Variants in RBFOX1 observed in about 807,000 individuals in gnomAD.
The protein encoded by RBFOX1 is RNA binding protein fox-1 homolog 1.
Under a neutral mutation model 57.7 loss-of-function variants are expected in RBFOX1, and 8 were observed. That is an observed-to-expected ratio of 0.14 (90% CI 0.08 to 0.25). The LOEUF is 0.25. RBFOX1 is among the 10% of genes least tolerant of loss of function. The pLI is 1.00. For synonymous variants in RBFOX1, 326 were observed against 222.4 expected (o/e 1.47, Z -4.15); for missense variants, 611 against 548.5 (o/e 1.11, Z -1.14).
intron 3 of RBFOX1, among the ~76,000 whole-genome samples, chr16:5,714,356 T>A (rs1596913340): frequency 1.3e-5 from 2 of 152,134 alleles, no homozygotes; most frequent in Non-Finnish European, 2.9e-5. Flanking sequence ...ACTGCTCCCA[T>A]CATGATGAGA....
chr16:6,385,137 A>G (rs576761037), intron 2 of RBFOX1, among the ~76,000 whole-genome samples: 2 of 152,318 alleles, frequency 1.3e-5, no homozygotes, highest in Middle Eastern at 3.4e-3. Flanking sequence ...CAGCCTCAGC[A>G]TGGTGTCATC....
intron 3 of RBFOX1, among the ~76,000 whole-genome samples, chr16:6,860,120 G>C (rs2058735197): frequency 6.6e-6 from 1 of 152,126 alleles, no homozygotes; most frequent in Non-Finnish European, 1.5e-5. Flanking sequence ...GAATAGCTGT[G>C]CGCTAGCTGT....
At chr16:6,078,738 T>G (rs1375121497) in intron 1 of RBFOX1, among the ~76,000 whole-genome samples, 1 of 152,192 alleles carries the variant, frequency 6.6e-6, no homozygotes, top group Non-Finnish European at 1.5e-5. Context: ...CTATCAATGT[T>G]GTTATTTGAT....
chr16:7,106,401 T>A (rs1469171725), intron 4 of RBFOX1, among the ~76,000 whole-genome samples: 1 of 152,194 alleles, frequency 6.6e-6, no homozygotes, highest in East Asian at 1.9e-4. Context: ...TACAGCTCTT[T>A]ATTCTTCATT....
At chr16:7,486,216 G>A (rs1254268228) in intron 4 of RBFOX1, among the ~76,000 whole-genome samples, 12 of 138,636 alleles carry the variant, frequency 8.7e-5, no homozygotes, top group African/African-American at 2.7e-4. Context: ...TCTGACTCCC[G>A]GGTTCAAGTG....
intron 4 of RBFOX1, among the ~76,000 whole-genome samples, chr16:7,374,648 A>T (rs533571638): frequency 1.1e-4 from 17 of 152,208 alleles, no homozygotes; most frequent in Non-Finnish European, 2.9e-5. Flanking sequence ...CAAAAAAATT[A>T]AAAATAAAAA....
At chr16:5,454,856 TTC>T (rs1256611876) in intron 1 of RBFOX1, among the ~76,000 whole-genome samples, 2 of 14,524 alleles carry the variant, frequency 1.4e-4, no homozygotes, top group Non-Finnish European at 3.4e-4. Context: ...TTTCTTTCTT[TTC>T]TTTCTTTCTT....
intron 4 of RBFOX1, among the ~76,000 whole-genome samples, chr16:7,163,788 C>G (rs1017812159): frequency 1.3e-5 from 2 of 152,090 alleles, no homozygotes; most frequent in African/African-American, 4.8e-5. Flanking sequence ...TTTCAAGTAG[C>G]TGGGACTGTA....
At chr16:6,123,417 C>G (rs980219012) in intron 1 of RBFOX1, among the ~76,000 whole-genome samples, 2 of 152,120 alleles carry the variant, frequency 1.3e-5, no homozygotes, top group African/African-American at 2.4e-5. Flanking sequence ...GGGACAAATA[C>G]TATATGGTTC....
chr16:6,500,659 A>C (rs956644400), intron 2 of RBFOX1, among the ~76,000 whole-genome samples: 4 of 152,160 alleles, frequency 2.6e-5, no homozygotes, highest in African/African-American at 9.7e-5. Context: ...ACAGAGGCTT[A>C]AGAATGGCAA....
chr16:7,480,070 G>C (rs1157625740), intron 4 of RBFOX1, among the ~76,000 whole-genome samples: 1 of 152,158 alleles, frequency 6.6e-6, no homozygotes, highest in South Asian at 2.1e-4. Context: ...CTTCTGAATG[G>C]TCTATGTGAG....
rs148754398 is a variant in RBFOX1, at chr16:7,480,951, A to G, written c.28-37196A>G. Among the ~76,000 whole-genome samples, 8 of 152,210 alleles carry G rather than the reference A, an allele frequency of 5.3e-5. 1 individual carries two copies. The East Asian group carries it at 1.2e-3, about 22-fold the overall frequency. On this transcript the variant is annotated intron_variant, in intron 4 of 15. Coordinates refer to ENST00000550418, the MANE Select transcript of RBFOX1 (RefSeq NM_018723.4). ...GGGTCTCTGTAGTGCGAATTACTCA[A>G]TGCTACTGTCTTTTCCACAGCTTAT...
At chr16:5,979,207 C>T (rs1424094095) in intron 4 of RBFOX1, among the ~76,000 whole-genome samples, 1 of 152,162 alleles carries the variant, frequency 6.6e-6, no homozygotes, top group African/African-American at 2.4e-5. Flanking sequence ...CTGGTTCTTG[C>T]AGTAAAAGTA....
At chr16:6,245,652 C>G (rs1239087824) in intron 1 of RBFOX1, among the ~76,000 whole-genome samples, 1 of 152,144 alleles carries the variant, frequency 6.6e-6, no homozygotes, top group African/African-American at 2.4e-5. Context: ...TGTATGCACT[C>G]TTGATGATTC....
At chr16:5,386,001 C>T (rs1302415972) in intron 1 of RBFOX1, among the ~76,000 whole-genome samples, 1 of 152,084 alleles carries the variant, frequency 6.6e-6, no homozygotes, top group Non-Finnish European at 1.5e-5. Flanking sequence ...GAAATGAATG[C>T]CTCTTTTAAG....
At position 5,815,156 on chromosome 16, in the gene RBFOX1, AT is replaced by A. The variant is rs71142650; in HGVS notation, c.319-52127del. The stretch of plus-strand genomic sequence containing the variant: ...CACCAGGCCTGGCTAATTTAATTTA[AT>A]TTTTTTTTTTTTTTTTTTTGTAGAG... On this transcript the variant is annotated intron_variant, in intron 3 of 19. Transcript: ENST00000641259. 1.7e-3 allele frequency among the ~76,000 whole-genome samples: 190 copies of A among 114,192 alleles called. 3 individuals carry two copies. The highest frequency in any genetic ancestry group is 4.9e-3 in the African/African-American group (141 of 28,964). 74.9% of individuals were successfully genotyped at this position (114,192 alleles called of 152,430 possible). A position where few individuals can be genotyped will look rare whatever the true frequency, so the allele number is the denominator to read the frequency against.
intron 14 of RBFOX1, among the ~76,000 whole-genome samples, chr16:7,688,358 T>G (rs17144598): frequency 9.7e-4 from 147 of 151,926 alleles, no homozygotes; most frequent in Middle Eastern, 6.8e-3. Context: ...TATTTAACAA[T>G]AGCAATGTAA....
At chr16:6,096,271 G>A (rs1412237876) in intron 1 of RBFOX1, among the ~76,000 whole-genome samples, 1 of 152,152 alleles carries the variant, frequency 6.6e-6, no homozygotes, top group Non-Finnish European at 1.5e-5. Flanking sequence ...GAAAAGAGGA[G>A]AAAAGGAAAG....
At chr16:5,559,721 A>T (rs956609543) in intron 2 of RBFOX1, among the ~76,000 whole-genome samples, 6 of 152,128 alleles carry the variant, frequency 3.9e-5, no homozygotes, top group Non-Finnish European at 8.8e-5. Flanking sequence ...TTCCTAGGTC[A>T]TTCTGTCTTG....
Sources: allele counts gnomAD v4.1 joint callset (sites outside exome capture counted in the v4.1 genomes callset), GRCh38; gene constraint gnomAD v4.1.1; transcripts MANE v1.5; gene names NCBI Gene and HGNC (gene_info 2026-07-23, HGNC 2026-07-21).